DLGAP2: variants seen among roughly 807,000 people sequenced by gnomAD.
DLGAP2 encodes the protein disks large-associated protein 2.
Under a neutral mutation model 100.3 loss-of-function variants are expected in DLGAP2, and 26 were observed. The observed-to-expected ratio is 0.26, with a 90% confidence interval of 0.19 to 0.36. DLGAP2 has a LOEUF of 0.36. Among genes scored for constraint, DLGAP2 ranks in the 10% least tolerant of loss-of-function variants. The pLI is 1.00. For synonymous variants in DLGAP2, 886 were observed against 630.1 expected (o/e 1.41, Z -6.08); for missense variants, 1,858 against 1,453.2 (o/e 1.28, Z -4.53).
rs1181956850 is a variant in DLGAP2, at chr8:1,549,517, A to C, written c.1064A>C (p.Glu355Ala). 6.2e-7 allele frequency: 1 copy of C among 1,613,282 alleles called. No individual in the cohort carries two copies. Among genetic ancestry groups the C allele is most frequent in the Non-Finnish European group, 8.5e-7 (1 of 1,179,844 alleles). Reference protein sequence around the residue: ...SNNDVKCSACEGLALTPDAKY... With the variant: ...SNNDVKCSACAGLALTPDAKY... Reference sequence around the variant, plus strand: ...AACGACGTCAAGTGCTCGGCCTGTGAGGGGTTGGCGCTGACGCCCGACGCC... The same window carrying C: ...AACGACGTCAAGTGCTCGGCCTGTGCGGGGTTGGCGCTGACGCCCGACGCC... The change falls in exon 5 of 15, where the codon GAG (glutamate) becomes GCG (alanine). Residue 355 changes from glutamate (E) to alanine (A), a missense_variant. Physicochemically the swap from Glu to Ala is moderately radical, Grantham distance 107. Coordinates refer to ENST00000637795, the MANE Select transcript of DLGAP2 (RefSeq NM_001346810.2).
At chr8:1,251,725 C>G (rs1209150164) in intron 2 of DLGAP2, among the ~76,000 whole-genome samples, 1 of 152,222 alleles carries the variant, frequency 6.6e-6, no homozygotes, top group Non-Finnish European at 1.5e-5. Context: ...AGCCATGTGG[C>G]CACGTTGTCA....
intron 8 of DLGAP2, among the ~76,000 whole-genome samples, chr8:1,652,365 C>T (rs374032983): frequency 6.6e-6 from 1 of 152,276 alleles, no homozygotes; most frequent in Non-Finnish European, 1.5e-5. Flanking sequence ...GGGTTTTCCT[C>T]GCTGCTGAAT....
At chr8:1,082,937 G>A (rs1014841608) in intron 2 of DLGAP2, among the ~76,000 whole-genome samples, 1 of 152,128 alleles carries the variant, frequency 6.6e-6, no homozygotes, top group African/African-American at 2.4e-5. Flanking sequence ...CTTTTTAGAA[G>A]GGATCTGTTA....
At chr8:1,535,476 C>G (rs145576305) in intron 4 of DLGAP2, among the ~76,000 whole-genome samples, 2 of 152,220 alleles carry the variant, frequency 1.3e-5, no homozygotes, top group East Asian at 3.9e-4. Context: ...TGTCGACACA[C>G]ATGTTGTTCA....
intron 14 of DLGAP2, among the ~76,000 whole-genome samples, chr8:1,699,809 A>G (rs994470501): frequency 3.9e-5 from 6 of 152,040 alleles, no homozygotes; most frequent in Non-Finnish European, 5.9e-5. Flanking sequence ...ACAGTGCCAC[A>G]CCCACAGGCC....
chr8:1,090,900 T>G (rs1290119069), intron 2 of DLGAP2, among the ~76,000 whole-genome samples: 1 of 152,270 alleles, frequency 6.6e-6, no homozygotes, highest in Non-Finnish European at 1.5e-5. Flanking sequence ...TTCTATGATT[T>G]CAGTTTAAAC....
intron 1 of DLGAP2, among the ~76,000 whole-genome samples, chr8:902,165 C>T (rs1050523471): frequency 7.9e-5 from 12 of 152,234 alleles, no homozygotes; most frequent in Non-Finnish European, 1.6e-4. Context: ...TGCCCAGGCA[C>T]AGATCCAAGC....
At chr8:1,518,879 T>C (rs1267007092) in intron 4 of DLGAP2, among the ~76,000 whole-genome samples, 1 of 152,228 alleles carries the variant, frequency 6.6e-6, no homozygotes, top group Non-Finnish European at 1.5e-5. Flanking sequence ...GGCATCTGGA[T>C]ATTTAGTAAA....
At chr8:1,152,339 T>G (rs527381844) in intron 2 of DLGAP2, among the ~76,000 whole-genome samples, 1 of 152,376 alleles carries the variant, frequency 6.6e-6, no homozygotes, top group South Asian at 2.1e-4. Context: ...GTGTTAAATT[T>G]CCCGCTAGAA....
chr8:760,284 A>C (rs1056246466), intron 1 of DLGAP2, among the ~76,000 whole-genome samples: 2 of 152,052 alleles, frequency 1.3e-5, no homozygotes, highest in African/African-American at 4.8e-5. Context: ...TCTTTCCTGA[A>C]GTCTTCACTG....
intron 2 of DLGAP2, among the ~76,000 whole-genome samples, chr8:1,156,930 T>C (rs957218904): frequency 6.6e-6 from 1 of 152,120 alleles, no homozygotes. Flanking sequence ...TCCCAGTCGG[T>C]CCATCCTTGA....
chr8:1,304,640 C>T (rs572526167), intron 3 of DLGAP2, among the ~76,000 whole-genome samples: 2 of 152,166 alleles, frequency 1.3e-5, no homozygotes, highest in South Asian at 2.1e-4. Context: ...TATGGCTACA[C>T]CTTAAAGATA....
intron 4 of DLGAP2, among the ~76,000 whole-genome samples, chr8:1,537,208 T>G (rs934378635): frequency 6.6e-6 from 1 of 152,118 alleles, no homozygotes; most frequent in African/African-American, 2.4e-5. Flanking sequence ...CATGCATATG[T>G]GTGTACAAAA....
At chr8:1,696,726 A>G (rs1799407737) in intron 13 of DLGAP2, among the ~76,000 whole-genome samples, 1 of 152,182 alleles carries the variant, frequency 6.6e-6, no homozygotes, top group African/African-American at 2.4e-5. Flanking sequence ...GCCGTCAGAG[A>G]ACAAGCAGGT....
At chr8:1,510,028 A>T (rs993352193) in intron 4 of DLGAP2, among the ~76,000 whole-genome samples, 6 of 152,258 alleles carry the variant, frequency 3.9e-5, no homozygotes, top group Admixed American at 2.6e-4. Flanking sequence ...CAACTAATTT[A>T]TTTGCATATT....
chr8:1,040,272 GCGTGGTCAGCTCGGGTTC>G (rs1215362683), intron 2 of DLGAP2, among the ~76,000 whole-genome samples: 2 of 141,368 alleles, frequency 1.4e-5, no homozygotes, highest in African/African-American at 2.7e-5. Context: ...AGCTCGGTGT[GCGTGGTCAGCTCGGGTTC>G]CGTGGTCAGC....
intron 4 of DLGAP2, among the ~76,000 whole-genome samples, chr8:1,521,882 T>C (rs1262969565): frequency 2.0e-5 from 3 of 151,184 alleles, no homozygotes; most frequent in African/African-American, 7.3e-5. Flanking sequence ...TGCACACTTG[T>C]TTTAATTTGG....
chr8:1,670,615 G>A (rs929649107), intron 10 of DLGAP2, among the ~76,000 whole-genome samples: 7 of 152,262 alleles, frequency 4.6e-5, no homozygotes, highest in African/African-American at 1.7e-4. Flanking sequence ...GGGTCGCTGG[G>A]TGCGTGCTGG....
chr8:777,797 T>G (rs1389813581), intron 1 of DLGAP2, among the ~76,000 whole-genome samples: 1 of 152,190 alleles, frequency 6.6e-6, no homozygotes, highest in Admixed American at 6.5e-5. Flanking sequence ...TTTCCTTCGT[T>G]TTGACTTTGG....
Sources: allele counts gnomAD v4.1 joint callset (sites outside exome capture counted in the v4.1 genomes callset), GRCh38; gene constraint gnomAD v4.1.1; transcripts MANE v1.5; gene names NCBI Gene and HGNC (gene_info 2026-07-23, HGNC 2026-07-21).